VWA3B: variants seen among roughly 807,000 people sequenced by gnomAD.
The protein encoded by VWA3B is von Willebrand factor A domain-containing protein 3B.
Under a neutral mutation model 158.3 loss-of-function variants are expected in VWA3B, and 138 were observed. The observed-to-expected ratio is 0.87, with a 90% CI of 0.76 to 1.00. The LOEUF is 1.00. Among genes scored for constraint, VWA3B ranks in the 50% least tolerant of loss-of-function variants. VWA3B has a pLI of 0.00. For missense variants in VWA3B, 1,555 were observed against 1,565.1 expected (o/e 0.99, Z 0.11); for synonymous variants, 596 against 587.3 (o/e 1.01, Z -0.21).
intron 24 of VWA3B, among the ~76,000 whole-genome samples, chr2:98,299,299 C>T (rs1346687914): frequency 6.6e-6 from 1 of 152,196 alleles, no homozygotes; most frequent in Non-Finnish European, 1.5e-5. Context: ...TGTTCTCCTG[C>T]CTCAGTTGGG....
intron 7 of VWA3B, among the ~76,000 whole-genome samples, chr2:98,157,072 T>C (rs774025178): frequency 1.3e-5 from 2 of 152,176 alleles, no homozygotes; most frequent in Non-Finnish European, 2.9e-5. Flanking sequence ...TTTGGACAAT[T>C]AGACTGCATT....
intron 19 of VWA3B, among the ~76,000 whole-genome samples, chr2:98,240,823 C>G (rs1425823380): frequency 1.3e-5 from 2 of 152,088 alleles, no homozygotes; most frequent in Non-Finnish European, 2.9e-5. Context: ...TATGCCTACT[C>G]TGAGGTTGTT....
chr2:98,288,997 A>C (rs1689331246), intron 22 of VWA3B, among the ~76,000 whole-genome samples: 1 of 152,204 alleles, frequency 6.6e-6, no homozygotes, highest in African/African-American at 2.4e-5. Context: ...AACACAAAAA[A>C]GTATTTGTAC....
chr2:98,180,046 C>T (rs1279721334), intron 8 of VWA3B, among the ~76,000 whole-genome samples: 1 of 146,862 alleles, frequency 6.8e-6, no homozygotes, highest in Non-Finnish European at 1.5e-5. Flanking sequence ...TCTCCTTCCT[C>T]CCTCCCTCCT....
chr2:98,312,106 A>G (rs1441262592), intron 27 of VWA3B, 74 bp downstream of exon 27: 1 of 1,611,544 alleles, frequency 6.2e-7, no homozygotes, highest in Admixed American at 1.7e-5. Flanking sequence ...AGAATAGTAC[A>G]CCTAACATCG....
intron 2 of VWA3B, among the ~76,000 whole-genome samples, chr2:98,108,656 C>T (rs1673870112): frequency 6.6e-6 from 1 of 152,036 alleles, no homozygotes; most frequent in African/African-American, 2.4e-5. Context: ...TCTAATATAG[C>T]CAATCCTATT....
chr2:98,232,437 ATAAT>A (rs1465842603), intron 16 of VWA3B, among the ~76,000 whole-genome samples: 2 of 152,148 alleles, frequency 1.3e-5, no homozygotes, highest in South Asian at 2.1e-4. Context: ...CAGAGAATGT[ATAAT>A]TAATTGTTGA....
chr2:98,228,418 G>A, intron 15 of VWA3B, 86 bp downstream of exon 15: 2 of 1,442,254 alleles, frequency 1.4e-6, no homozygotes, highest in Non-Finnish European at 1.8e-6. Context: ...TTTCTGAAAT[G>A]CTCTGTGAAA....
At chr2:98,142,734 A>T (rs1366840694) in intron 7 of VWA3B, among the ~76,000 whole-genome samples, 1 of 152,200 alleles carries the variant, frequency 6.6e-6, no homozygotes, top group Non-Finnish European at 1.5e-5. Flanking sequence ...TAACTTAATT[A>T]GTTACTCTGT....
rs981959948 is a variant in VWA3B at position 98,215,167 on chromosome 2, C to G, written c.1837-2679C>G. Among the ~76,000 whole-genome samples the G allele has an allele frequency of 3.9e-5, 6 of 152,072 alleles. No homozygotes were observed. In the East Asian group the frequency reaches 1.2e-3, roughly 29 times the overall value. On this transcript the variant is annotated intron_variant, in intron 13 of 27. Coordinates refer to ENST00000477737, the MANE Select transcript of VWA3B (RefSeq NM_144992.5). ...GGATAATAGCTGGAGTTAGGCCAGG[C>G]GCGGTGGCTCATGCCTGTAATCCCA...
chr2:98,239,058 G>C (rs920646404), intron 19 of VWA3B, among the ~76,000 whole-genome samples: 2 of 152,140 alleles, frequency 1.3e-5, no homozygotes, highest in African/African-American at 4.8e-5. Context: ...GCAATGACAG[G>C]GTGGGATGGA....
Position 98,110,306 on chromosome 2 carries a change from G to A in VWA3B, c.197-5346G>A, listed in dbSNP as rs1356643597. ...CATTTTGCTATTGAGTTCATCCATT[G>A]AGTTTTTAATTTTGATTATTCTATT... On this transcript the variant is annotated intron_variant, in intron 2 of 27. Transcript: ENST00000477737. 2.0e-5 allele frequency among the ~76,000 whole-genome samples: 3 copies of A among 151,816 alleles called. No individual in the cohort carries two copies. In the East Asian group the frequency reaches 5.8e-4, roughly 29 times the overall value.
intron 7 of VWA3B, among the ~76,000 whole-genome samples, chr2:98,136,574 C>A (rs1249982547): frequency 6.6e-6 from 1 of 151,196 alleles, no homozygotes; most frequent in Non-Finnish European, 1.5e-5. Context: ...GAATGCTGCA[C>A]CCTCACGGGC....
intron 2 of VWA3B, among the ~76,000 whole-genome samples, chr2:98,114,074 C>T (rs1173860364): frequency 6.6e-6 from 1 of 152,178 alleles, no homozygotes; most frequent in Non-Finnish European, 1.5e-5. Flanking sequence ...CTGTCTAATG[C>T]CTACAAATAG....
intron 13 of VWA3B, among the ~76,000 whole-genome samples, chr2:98,213,807 A>G (rs1242287298): frequency 1.3e-5 from 2 of 152,142 alleles, no homozygotes; most frequent in Non-Finnish European, 2.9e-5. Flanking sequence ...TAGGCAAGTC[A>G]AGGTGTATTT....
At chr2:98,190,757 A>C (rs4069732) in intron 10 of VWA3B, among the ~76,000 whole-genome samples, 1 of 152,154 alleles carries the variant, frequency 6.6e-6, no homozygotes, top group East Asian at 1.9e-4. Flanking sequence ...ACACATAATG[A>C]CTTTGATGCT....
At position 98,268,337 on chromosome 2, in the gene VWA3B, C is replaced by T. The variant is rs190733231; in HGVS notation, c.2844-2345C>T. 7.9e-3 allele frequency among the ~76,000 whole-genome samples: 1,196 copies of T among 152,146 alleles called. 19 individuals carry two copies. The highest frequency in any genetic ancestry group is 0.027 in the African/African-American group (1,132 of 41,470). ...TCCAGCAGCACATCAAAAAGCTTAT[C>T]CACCATGATCAAGTGGGCTTCAACC... is the stretch of plus-strand genomic sequence containing the variant. On this transcript the variant is annotated intron_variant, in intron 21 of 27. Transcript: ENST00000477737.
intron 23 of VWA3B, among the ~76,000 whole-genome samples, chr2:98,293,302 T>C (rs1175512476): frequency 1.3e-5 from 2 of 152,196 alleles, no homozygotes; most frequent in Non-Finnish European, 2.9e-5. Flanking sequence ...TAAACTTCAA[T>C]AAATCAGCTT....
intron 2 of VWA3B, among the ~76,000 whole-genome samples, chr2:98,111,055 C>T (rs991347805): frequency 3.9e-5 from 6 of 152,144 alleles, no homozygotes; most frequent in East Asian, 1.9e-4. Context: ...GTAAATTTCC[C>T]GGTTTCAGGT....
Sources: allele counts gnomAD v4.1 joint callset (sites outside exome capture counted in the v4.1 genomes callset), GRCh38; gene constraint gnomAD v4.1.1; transcripts MANE v1.5; gene names NCBI Gene and HGNC (gene_info 2026-07-23, HGNC 2026-07-21).